Variants in TTC3 observed in about 807,000 individuals in gnomAD.
TTC3 encodes the protein tetratricopeptide repeat domain 3.
TTC3 carries 180 observed loss-of-function variants against 249.6 expected under a neutral mutation model. The ratio of observed to expected loss-of-function variants is 0.72; its 90% CI spans 0.64 to 0.82. The LOEUF (loss-of-function observed/expected upper bound fraction) is 0.82, where lower values mean the gene tolerates loss of function less well. Ranked by LOEUF, TTC3 falls within the 40% of genes least tolerant of loss-of-function variation. The probability of loss-of-function intolerance (pLI) is 0.00; values close to 1 mark genes in which losing one functional copy is unlikely to be tolerated. For synonymous variants in TTC3, 717 were observed against 805.0 expected, an observed-to-expected ratio of 0.89 and a Z score of 1.85; for missense variants, 2,061 against 2,398.4, an observed-to-expected ratio of 0.86 and a Z score of 2.94.
At chr21:37,163,365 G>A (rs773494592) in intron 31 of TTC3, among the ~76,000 whole-genome samples, 4 of 152,094 alleles carry the variant, frequency 2.6e-5, no homozygotes, top group Non-Finnish European at 4.4e-5. Flanking sequence ...AAAAACTTTT[G>A]TTTAGATGGA....
At chr21:37,126,214 G>A (rs1601624171) in intron 15 of TTC3, 71 bp downstream of exon 15, 3 of 1,425,326 alleles carry the variant, frequency 2.1e-6, no homozygotes, top group Non-Finnish European at 2.0e-6. Context: ...GCCCTACAAT[G>A]TGCACAAGCC....
intron 9 of TTC3, among the ~76,000 whole-genome samples, chr21:37,095,941 T>G (rs1017697761): frequency 3.9e-5 from 6 of 152,220 alleles, no homozygotes; most frequent in Admixed American, 3.3e-4. Flanking sequence ...GCCTCATAAC[T>G]GTGCGCCTAT....
chr21:37,087,218 A>C, intron 1 of TTC3, 29 bp from the exon 2 acceptor site: 1 of 1,603,980 alleles, frequency 6.2e-7, no homozygotes, highest in Non-Finnish European at 8.5e-7. Context: ...TGATTTAATT[A>C]CTGACTTGAG....
chr21:37,078,266 C>T (rs905413243), intron 1 of TTC3, among the ~76,000 whole-genome samples: 23 of 152,084 alleles, frequency 1.5e-4, no homozygotes, highest in African/African-American at 5.3e-4. Flanking sequence ...CCTGAAATCT[C>T]GGTATCTGGG....
exon 6 of TTC3, chr21:37,090,264 G>A: frequency 6.2e-7 from 1 of 1,607,282 alleles, no homozygotes; most frequent in Non-Finnish European, 8.5e-7. Flanking sequence ...GGCTTATTGA[G>A]AATTGGTTGT....
intron 15 of TTC3, among the ~76,000 whole-genome samples, 177 bp from the exon 16 acceptor site, chr21:37,128,826 A>G (rs2077239329): frequency 6.6e-6 from 1 of 152,020 alleles, no homozygotes; most frequent in African/African-American, 2.4e-5. Context: ...AATTTATTAT[A>G]TATAGAAAAA....
At chr21:37,095,285 A>G (rs2073817321) in intron 8 of TTC3, 65 bp from the exon 9 acceptor site, 4 of 961,128 alleles carry the variant, frequency 4.2e-6, no homozygotes, top group South Asian at 3.1e-5. Flanking sequence ...CATTTTTACT[A>G]GGTATTGGGT....
chr21:37,201,572 T>A, exon 46 of TTC3: 1 of 1,613,092 alleles, frequency 6.2e-7, no homozygotes, highest in Non-Finnish European at 8.5e-7. Context: ...CTCTTCTAGG[T>A]AGTCACACTT....
At chr21:37,122,774 A>T (rs2076726959) in intron 12 of TTC3, among the ~76,000 whole-genome samples, 1 of 152,186 alleles carries the variant, frequency 6.6e-6, no homozygotes, top group Non-Finnish European at 1.5e-5. Flanking sequence ...ATCACATGTG[A>T]TGGAATGTCA....
chr21:37,136,079 A>G (rs971469313), intron 18 of TTC3, among the ~76,000 whole-genome samples: 1 of 151,882 alleles, frequency 6.6e-6, no homozygotes, highest in African/African-American at 2.4e-5. Context: ...GTGCCTATGT[A>G]AGAAAGGGAA....
At chr21:37,074,194 C>T (rs985191008) in intron 1 of TTC3, among the ~76,000 whole-genome samples, 18 of 152,354 alleles carry the variant, frequency 1.2e-4, no homozygotes, top group Non-Finnish European at 2.5e-4. Context: ...CCCTCGCCCC[C>T]GCGCCTCTTT....
chr21:37,151,273 A>G (rs552311131), intron 25 of TTC3, among the ~76,000 whole-genome samples: 57 of 152,212 alleles, frequency 3.7e-4, no homozygotes, highest in Admixed American at 3.2e-3. Context: ...TTTTGAACCT[A>G]TGACTATTTT....
intron 24 of TTC3, 97 bp downstream of exon 24, chr21:37,150,267 CT>C (rs909597140): frequency 8.3e-5 from 71 of 860,122 alleles, no homozygotes; most frequent in Non-Finnish European, 1.9e-6. Context: ...TAATTTGGAT[CT>C]TTTCCAGGAA....
intron 18 of TTC3, among the ~76,000 whole-genome samples, chr21:37,136,689 C>T (rs1167077819): frequency 6.6e-6 from 1 of 152,120 alleles, no homozygotes. Context: ...GGAGAAGCTG[C>T]AGTAAGTTAT....
At chr21:37,115,178 A>ATAG (rs1429897032) in intron 11 of TTC3, among the ~76,000 whole-genome samples, 1 of 146,934 alleles carries the variant, frequency 6.8e-6, no homozygotes, top group Non-Finnish European at 1.5e-5. Context: ...TTAAAGTATA[A>ATAG]TAATAATAAT....
chr21:37,122,883 A>AT, intron 12 of TTC3, 100 bp from the exon 13 acceptor site: 1 of 929,128 alleles, frequency 1.1e-6, no homozygotes, highest in Non-Finnish European at 1.5e-6. Flanking sequence ...TCTAAATTTG[A>AT]GGTCCTTACT....
intron 20 of TTC3, 90 bp from the exon 21 acceptor site, chr21:37,144,435 C>T: frequency 7.0e-7 from 1 of 1,425,356 alleles, no homozygotes; most frequent in Non-Finnish European, 9.5e-7. Flanking sequence ...ATGTATTCGT[C>T]CCAGTAAGCT....
intron 8 of TTC3, among the ~76,000 whole-genome samples, chr21:37,094,686 A>G (rs891265178): frequency 1.3e-5 from 2 of 152,052 alleles, no homozygotes; most frequent in African/African-American, 4.8e-5. Flanking sequence ...CTTTGCATCT[A>G]TTTTTTAGCC....
chr21:37,093,947 A>G (rs1037485209), intron 7 of TTC3, 58 bp from the exon 8 acceptor site: 1 of 1,107,286 alleles, frequency 9.0e-7, no homozygotes, highest in Non-Finnish European at 1.4e-6. Flanking sequence ...TATCAATACC[A>G]ATTTGTTTTT....
Sources: gnomAD v4.1 joint callset for allele counts (sites outside exome capture counted in the v4.1 genomes callset) on GRCh38, gnomAD v4.1.1 for gene constraint, MANE v1.5 for transcripts, NCBI Gene and HGNC (gene_info 2026-07-23, HGNC 2026-07-21) for gene names.